Variants in ADGRB2 observed in about 807,000 individuals in gnomAD.
ADGRB2 encodes brain-specific angiogenesis inhibitor 2.
Under a neutral mutation model 178.7 loss-of-function variants are expected in ADGRB2, and 47 were observed. That is an observed-to-expected ratio of 0.26 (90% CI 0.21 to 0.34). The LOEUF (loss-of-function observed/expected upper bound fraction) is 0.34, where lower values mean the gene tolerates loss of function less well. Among genes scored for constraint, ADGRB2 ranks in the 10% least tolerant of loss-of-function variants. ADGRB2 has a pLI of 1.00. For missense variants in ADGRB2, 1,584 were observed against 2,180.8 expected (o/e 0.73, Z 5.45); for synonymous variants, 870 against 912.4 (o/e 0.95, Z 0.84).
intron 20 of ADGRB2, among the ~76,000 whole-genome samples, chr1:31,736,963 C>G (rs1027433105): frequency 2.0e-5 from 3 of 152,182 alleles, no homozygotes; most frequent in East Asian, 1.9e-4. Context: ...CACGCACAGA[C>G]GGGGCTGGCA....
rs1172413053 is a variant in ADGRB2, at chr1:31,735,315, G to A, written c.3354-34C>T. ...CGGCACAGACATGGGAGAAGGAGGG[G>A]AAACACATGGGAAGCCGGGAGATGG... On this transcript the variant is annotated intron_variant, in intron 24 of 32. Transcript: ENST00000373658. This position sits in a 1 kb window ranked among gnomAD's most constrained non-coding sequence, Gnocchi z 6.0. 12 of 1,354,930 alleles carry A rather than the reference G, an allele frequency of 8.9e-6. No homozygotes were observed. Among genetic ancestry groups the A allele is most frequent in the Admixed American group, 2.2e-5 (1 of 45,598 alleles). 83.9% of individuals were successfully genotyped at this position (1,354,930 alleles called of 1,614,324 possible).
intron 4 of ADGRB2, among the ~76,000 whole-genome samples, chr1:31,751,802 C>T (rs116672739): frequency 6.0e-4 from 92 of 152,254 alleles, no homozygotes; most frequent in African/African-American, 2.1e-3. Context: ...CACCTTCCTC[C>T]CCTTTGTGGT....
Position 31,728,718 on chromosome 1 carries a change from C to T in ADGRB2, c.4381-85G>A, listed in dbSNP as rs1439680289. On this transcript the variant is annotated intron_variant, in intron 29 of 32. Coordinates refer to ENST00000373658, the MANE Select transcript of ADGRB2 (RefSeq NM_001364857.2). The surrounding 1 kb of genome is among the most constrained non-coding windows in gnomAD (Gnocchi z 6.7). ...GCTTTAGAGACAGGAAGCCTGGCAT[C>T]CCAGGGGTCTGCCCGCTGCACCTTC... The T allele has an allele frequency of 9.1e-6, 14 of 1,539,930 alleles. No homozygotes were observed. Among genetic ancestry groups the T allele is most frequent in the Non-Finnish European group, 1.3e-5 (14 of 1,116,080 alleles).
Position 31,761,306 on chromosome 1 carries a change from T to G in ADGRB2, c.-191+2578A>C, listed in dbSNP as rs1647036806. 6.6e-6 allele frequency among the ~76,000 whole-genome samples: 1 copy of G among 152,134 alleles called. No individual in the cohort carries two copies. The highest frequency in any genetic ancestry group is 6.5e-5 in the Admixed American group (1 of 15,274). On this transcript the variant is annotated intron_variant, in intron 1 of 32. Transcript: ENST00000373658. The surrounding 1 kb of genome is among the most constrained non-coding windows in gnomAD (Gnocchi z 4.2). ...CAAGCTACTCAGGCCAAAGCCAGGTTTCTTCAAACTCCTCAGGCCCTCAGG... is the reference window on the plus strand; with the variant it reads ...CAAGCTACTCAGGCCAAAGCCAGGTGTCTTCAAACTCCTCAGGCCCTCAGG...
In ADGRB2 at chr1:31,744,610, G is replaced by A. The variant is rs918646225; in HGVS notation, c.922+38C>T. On this transcript the variant is annotated intron_variant, in intron 5 of 32. Transcript: ENST00000373658. The surrounding 1 kb of genome is among the most constrained non-coding windows in gnomAD (Gnocchi z 6.7). The stretch of plus-strand genomic sequence containing the variant: ...CACACCACCAGACGCACACAGTCGG[G>A]CCCCCGCCGCAGAGGAAGGGAGGCG... 2 of 1,606,566 alleles carry A rather than the reference G, an allele frequency of 1.2e-6. No individual in the cohort carries two copies. Among genetic ancestry groups the A allele is most frequent in the East Asian group, 2.2e-5 (1 of 44,556 alleles).
At position 31,755,968 on chromosome 1, in the gene ADGRB2, C is replaced by A. The variant is rs1399254903; in HGVS notation, c.838+31G>T. The A allele has an allele frequency of 1.9e-6, 3 of 1,573,914 alleles. No individual in the cohort carries two copies. Among genetic ancestry groups the A allele is most frequent in the South Asian group, 2.4e-5 (2 of 84,512 alleles). ...AGGGACACTGTCAGCCCCTGCAGAC[C>A]CCGCCCCACCCAGGCCCTGCTGAGA... On this transcript the variant is annotated intron_variant, in intron 4 of 32. Transcript: ENST00000373658. This position sits in a 1 kb window ranked among gnomAD's most constrained non-coding sequence, Gnocchi z 5.1.
At position 31,744,135 on chromosome 1, in the gene ADGRB2, A is replaced by T; in HGVS notation, c.1087+58T>A. 1 of 1,464,388 alleles carries T rather than the reference A, an allele frequency of 6.8e-7. No individual in the cohort carries two copies. Among genetic ancestry groups the T allele is most frequent in the South Asian group, 1.4e-5 (1 of 71,380 alleles). 90.7% of individuals were successfully genotyped at this position (1,464,388 alleles called of 1,614,324 possible). A position where few individuals can be genotyped will look rare whatever the true frequency, so the allele number is the denominator to read the frequency against. Reference sequence around the variant, plus strand: ...ACCATTTTGGAGATTAATCTGCCCAAGTCCCAGGCAGGACCTAACCCTGCA... The same window carrying T: ...ACCATTTTGGAGATTAATCTGCCCATGTCCCAGGCAGGACCTAACCCTGCA... On this transcript the variant is annotated intron_variant, in intron 6 of 32. Coordinates refer to ENST00000373658, the MANE Select transcript of ADGRB2 (RefSeq NM_001364857.2). This position sits in a 1 kb window ranked among gnomAD's most constrained non-coding sequence, Gnocchi z 6.7.
rs1457020657 is a variant in ADGRB2 at position 31,756,104 on chromosome 1, G to T, written c.733C>A (p.His245Asn). ...GGCACCAGGGCATTGGACAGGGTGT[G>T]GGCAGCAGGAGGGCCTGGAGATGTG... ...TTTSPGPPAAHTLSNALVPGG... is the reference protein window; with the variant it reads ...TTTSPGPPAANTLSNALVPGG... Residue 245 changes from histidine (H) to asparagine (N), a missense_variant, in exon 4 of 33, where the codon CAC (histidine) becomes AAC (asparagine). Physicochemically the swap from His to Asn is moderately conservative, Grantham distance 68. Coordinates refer to ENST00000373658, the MANE Select transcript of ADGRB2 (RefSeq NM_001364857.2). The surrounding 1 kb of genome is among the most constrained non-coding windows in gnomAD (Gnocchi z 8.5). The T allele has an allele frequency of 3.7e-6, 6 of 1,613,856 alleles. No homozygotes were observed.
At position 31,741,442 on chromosome 1, in the gene ADGRB2, G is replaced by A. The variant is rs149204497; in HGVS notation, c.1725C>T (p.Gly575=). 122 of 1,604,206 alleles carry A rather than the reference G, an allele frequency of 7.6e-5. No homozygotes were observed. Among genetic ancestry groups the A allele is most frequent in the African/African-American group, 6.3e-4 (47 of 74,836 alleles). The change falls in exon 11 of 33, where the codon GGC becomes GGT. Residue 575 remains glycine, a synonymous_variant. Transcript: ENST00000373658. The surrounding 1 kb of genome is among the most constrained non-coding windows in gnomAD (Gnocchi z 6.5). The part of the protein sequence containing the change: ...ASRRCLLSAQ[G]VAYWGLPSFA... Reference sequence around the variant, plus strand: ...AGCTGGGCAGCCCCCAGTACGCCACGCCTTGGGCACTGAGGAGACAGCGGC... The same window carrying A: ...AGCTGGGCAGCCCCCAGTACGCCACACCTTGGGCACTGAGGAGACAGCGGC...
chr1:31,739,819 G>A (rs993882270), intron 14 of ADGRB2, 107 bp downstream of exon 14: 1 of 1,236,726 alleles, frequency 8.1e-7, no homozygotes, highest in Non-Finnish European at 1.2e-6. Flanking sequence ...GAAGGAGAGG[G>A]TAGAATGTGG....
chr1:31,759,342 G>A lies in ADGRB2; in HGVS notation c.-190-1831C>T, dbSNP rs1646972450. 2.6e-6 allele frequency: 2 copies of A among 779,582 alleles called. No homozygotes were observed. The highest frequency in any genetic ancestry group is 1.3e-5 in the South Asian group (1 of 74,626). 48.3% of individuals were successfully genotyped at this position (779,582 alleles called of 1,614,324 possible). On this transcript the variant is annotated intron_variant, in intron 1 of 32. Transcript: ENST00000373658. The surrounding 1 kb of genome is among the most constrained non-coding windows in gnomAD (Gnocchi z 4.3). ...ACACATGAGTATCTGGCCCTCTGAG[G>A]CTCAGCATATGACAGCTAAGTGTCA... is the stretch of plus-strand genomic sequence containing the variant.
chr1:31,738,972 C>T (rs1186838079), intron 15 of ADGRB2, 35 bp from the exon 16 acceptor site: 8 of 1,544,580 alleles, frequency 5.2e-6, no homozygotes, highest in Middle Eastern at 1.9e-4. Flanking sequence ...CTCCTGCCAG[C>T]GGGTGCCAGC....
chr1:31,759,888 C>A lies in ADGRB2; in HGVS notation c.-190-2377G>T, dbSNP rs1381975106. 6.6e-6 allele frequency among the ~76,000 whole-genome samples: 1 copy of A among 152,156 alleles called. No homozygotes were observed. Among genetic ancestry groups the A allele is most frequent in the Non-Finnish European group, 1.5e-5 (1 of 68,014 alleles). ...CCAAGTGGCTCTTAGTCATGATTAA[C>A]CCCCCTGAGCCTGTTTCCCTCTCTG... On this transcript the variant is annotated intron_variant, in intron 1 of 32. Transcript: ENST00000373658. The surrounding 1 kb of genome is among the most constrained non-coding windows in gnomAD (Gnocchi z 4.3).
At chr1:31,746,241 G>A (rs140518932) in intron 4 of ADGRB2, among the ~76,000 whole-genome samples, 1 of 152,298 alleles carries the variant, frequency 6.6e-6, no homozygotes, top group Non-Finnish European at 1.5e-5. Flanking sequence ...CACGGCAAGT[G>A]CTCAGAAGAC....
intron 7 of ADGRB2, 132 bp from the exon 8 acceptor site, chr1:31,742,349 G>T (rs552328579): frequency 7.9e-7 from 1 of 1,262,836 alleles, no homozygotes; most frequent in Non-Finnish European, 1.1e-6. Flanking sequence ...ACTGGAGTGG[G>T]GAGGGGAGGG....
At chr1:31,739,138 G>T in intron 15 of ADGRB2, 170 bp downstream of exon 15, 1 of 896,630 alleles carries the variant, frequency 1.1e-6, no homozygotes, top group Non-Finnish European at 1.7e-6. Flanking sequence ...GCCTCTGAGA[G>T]CAGTATGGAT....
At position 31,739,444 on chromosome 1, in the gene ADGRB2, TC is replaced by T; in HGVS notation, c.2358del (p.Arg787GlyfsTer29). 1 of 1,593,682 alleles carries T rather than the reference TC, an allele frequency of 6.3e-7. No individual in the cohort carries two copies. Among genetic ancestry groups the T allele is most frequent in the Non-Finnish European group, 8.5e-7 (1 of 1,170,590 alleles). ...CCAGGAGGCACCGTTCCTGGGCCCC[TC>T]CCCCTGCCAGGGCTGCCTGCTGCCC... Reference protein sequence around the residue: ...TSGAAGSPGRGRGPGTVPPGP... With the variant: ...TSGAAGSPGRXRGPGTVPPGP... On this transcript the variant is annotated frameshift_variant, in exon 15 of 33. Coordinates refer to ENST00000373658, the MANE Select transcript of ADGRB2 (RefSeq NM_001364857.2). LOFTEE classifies it high-confidence loss of function.
chr1:31,732,867 G>T lies in ADGRB2; in HGVS notation c.3624+105C>A, dbSNP rs1045942902. 5.6e-6 allele frequency: 8 copies of T among 1,419,152 alleles called. No homozygotes were observed. In the African/African-American group the frequency reaches 1.1e-4, roughly 20 times the overall value. The allele number at this position is 1,419,152 out of a possible 1,614,324, so 87.9% of individuals were successfully genotyped here. On this transcript the variant is annotated intron_variant, in intron 26 of 32. Transcript: ENST00000373658. Reference sequence around the variant, plus strand: ...TAAGGGCTGCCCAGATGGGGCCTGGGGCACCCTGGTCGGGGCCTCGATCCT... The same window carrying T: ...TAAGGGCTGCCCAGATGGGGCCTGGTGCACCCTGGTCGGGGCCTCGATCCT...
chr1:31,736,049 C>T (rs1004314198), intron 22 of ADGRB2, among the ~76,000 whole-genome samples, 156 bp from the exon 23 acceptor site: 2 of 152,214 alleles, frequency 1.3e-5, no homozygotes, highest in African/African-American at 4.8e-5. Context: ...TGCTGAGCCT[C>T]GGTTTCCCCT....
Sources: allele counts gnomAD v4.1 joint callset (sites outside exome capture counted in the v4.1 genomes callset), GRCh38; gene constraint gnomAD v4.1.1; non-coding constraint Gnocchi (gnomAD v3.1); transcripts MANE v1.5; gene names NCBI Gene and HGNC (gene_info 2026-07-23, HGNC 2026-07-21).